Variants in FUT4 observed in about 807,000 individuals in gnomAD.
FUT4 encodes the protein fucosyltransferase 4, also known as alpha-(1,3)-fucosyltransferase 4.
FUT4 carries 1 observed loss-of-function variant against 3.8 expected under a neutral mutation model. That is an observed-to-expected ratio of 0.26 (90% CI 0.09 to 1.25). FUT4 has a LOEUF of 1.25. Among genes scored for constraint, FUT4 ranks in the 50% most tolerant of loss-of-function variants. The probability of loss-of-function intolerance (pLI) is 0.47; values close to 1 mark genes in which losing one functional copy is unlikely to be tolerated. For missense variants in FUT4, 880 were observed against 768.2 expected (o/e 1.15, Z -1.72); for synonymous variants, 417 against 355.3 (o/e 1.17, Z -1.95).
rs1326277268 is a variant in FUT4, at chr11:94,545,203, T to G, written c.1070T>G (p.Val357Gly). Residue 357 changes from valine to glycine, a missense_variant, in exon 1 of 1, where the codon GTG (valine) becomes GGG (glycine). By Grantham distance (109) the Val-to-Gly change is moderately radical. This residue lies in a region of FUT4 where 424 missense variants were observed against 400.4 expected (regional missense o/e 1.06). Transcript: ENST00000358752. ...APPLSRKQGL[V>G]AWVVSHWDER... ...CCACTGTCCAGGAAACAGGGGCTGGTGGCATGGGTGGTGAGCCACTGGGAC... is the reference window on the plus strand; with the variant it reads ...CCACTGTCCAGGAAACAGGGGCTGGGGGCATGGGTGGTGAGCCACTGGGAC... The G allele has an allele frequency of 1.9e-6, 3 of 1,610,682 alleles. No homozygotes were observed. The highest frequency in any genetic ancestry group is 3.3e-5 in the Admixed American group (2 of 59,944).
In FUT4 at chr11:94,549,321, T is replaced by A. The variant is rs1947900815; in HGVS notation, c.*3595T>A. ...TCGCTGTGATTACCATCAGTCCATT[T>A]TACCGAGGAAGGAGCCAAGGTCCAG... On this transcript the variant is annotated 3_prime_UTR_variant, in exon 1 of 1. Coordinates refer to ENST00000358752, the MANE Select transcript of FUT4 (RefSeq NM_002033.4). The A allele has an allele frequency of 6.0e-6, 1 of 167,126 alleles. No individual in the cohort carries two copies. The highest frequency in any genetic ancestry group is 6.5e-5 in the Admixed American group (1 of 15,284). 10.4% of individuals were successfully genotyped at this position (167,126 alleles called of 1,614,324 possible).
At position 94,547,117 on chromosome 11, in the gene FUT4, C is replaced by G. The variant is rs1947871299; in HGVS notation, c.*1391C>G. 1 of 167,100 alleles carries G rather than the reference C, an allele frequency of 6.0e-6. No homozygotes were observed. The highest frequency in any genetic ancestry group is 1.5e-5 in the Non-Finnish European group (1 of 68,134). 10.4% of individuals were successfully genotyped at this position (167,100 alleles called of 1,614,324 possible). On this transcript the variant is annotated 3_prime_UTR_variant, in exon 1 of 1. Coordinates refer to ENST00000358752, the MANE Select transcript of FUT4 (RefSeq NM_002033.4). ...TAAGCAGCATATTCAGCAGGTGCCA[C>G]TACATGCCTACTCTGCCAGACACTG...
chr11:94,544,111 TGAGA>T lies in FUT4; in HGVS notation c.-18_-15del. ...GCGCGCAGAGGGAAACCGGATCAGT[TGAGA>T]GAGAATCAAGAGTAGCGGATGAGGC... On this transcript the variant is annotated 5_prime_UTR_variant, in exon 1 of 1. Coordinates refer to ENST00000358752, the MANE Select transcript of FUT4 (RefSeq NM_002033.4). 7.2e-7 allele frequency: 1 copy of T among 1,379,762 alleles called. No homozygotes were observed. The highest frequency in any genetic ancestry group is 9.4e-7 in the Non-Finnish European group (1 of 1,067,794). The allele number at this position is 1,379,762 out of a possible 1,614,324, so 85.5% of individuals were successfully genotyped here.
rs1400921381 is a variant in FUT4 at position 94,545,001 on chromosome 11, C to T, written c.868C>T (p.Gln290Ter). ...GACCTCCAGCCCCAGGCCCCCGGGC[C>T]AGCGCTGGGTTTGGATGAACTTCGA... ...LATSSPRPPG[Q>*]RWVWMNFESP... is the part of the protein sequence containing the mutation. The change falls in exon 1 of 1, where the codon CAG becomes TAG. Residue 290 changes from glutamine to a stop codon, truncating the protein, a stop_gained. Coordinates refer to ENST00000358752, the MANE Select transcript of FUT4 (RefSeq NM_002033.4). LOFTEE classifies it low-confidence loss of function (END_TRUNC). 1 of 1,608,508 alleles carries T rather than the reference C, an allele frequency of 6.2e-7. No individual in the cohort carries two copies. Among genetic ancestry groups the T allele is most frequent in the East Asian group, 2.2e-5 (1 of 44,696 alleles).
rs767420823 is a variant in FUT4 at position 94,544,474 on chromosome 11, C to G, written c.341C>G (p.Ala114Gly). 5 of 1,492,564 alleles carry G rather than the reference C, an allele frequency of 3.3e-6. No homozygotes were observed. The East Asian group carries it at 1.2e-4, about 34-fold the overall frequency. The allele number at this position is 1,492,564 out of a possible 1,614,324, so 92.5% of individuals were successfully genotyped here. A position where few individuals can be genotyped will look rare whatever the true frequency, so the allele number is the denominator to read the frequency against. The change falls in exon 1 of 1, where the codon GCG becomes GGG. Residue 114 changes from alanine (A) to glycine (G), a missense_variant. Physicochemically the swap from Ala to Gly is moderately conservative, Grantham distance 60. Around this residue, in one of 3 missense-constraint regions of FUT4, gnomAD observed 447 missense variants for 339.5 expected, o/e 1.32. Coordinates refer to ENST00000358752, the MANE Select transcript of FUT4 (RefSeq NM_002033.4). ...SRCRSSTPAD[A>G]WRAEAALPVR... ...TGCCGCTCCTCCACGCCTGCGGACG[C>G]GTGGCGAGCGGAGGCAGCGCTGCCT...
chr11:94,544,645 G>A lies in FUT4; in HGVS notation c.512G>A (p.Cys171Tyr). The change falls in exon 1 of 1, where the codon TGC becomes TAC. Residue 171 changes from cysteine (C) to tyrosine (Y), a missense_variant. This residue lies in a region of FUT4 where 447 missense variants were observed against 339.5 expected (regional missense o/e 1.32). Coordinates refer to ENST00000358752, the MANE Select transcript of FUT4 (RefSeq NM_002033.4). Reference sequence around the variant, plus strand: ...TGTACGGCGCTGATCACCTACGCTTGCTGGGGGCAGCTGCCGCCGCTGCCC... The same window carrying A: ...TGTACGGCGCTGATCACCTACGCTTACTGGGGGCAGCTGCCGCCGCTGCCC... ...LTCTALITYACWGQLPPLPWA... is the reference protein window; with the variant it reads ...LTCTALITYAYWGQLPPLPWA... The A allele has an allele frequency of 6.6e-7, 1 of 1,514,298 alleles. No individual in the cohort carries two copies. Among genetic ancestry groups the A allele is most frequent in the South Asian group, 1.3e-5 (1 of 74,904 alleles). The allele number at this position is 1,514,298 out of a possible 1,614,324, so 93.8% of individuals were successfully genotyped here.
At position 94,544,308 on chromosome 11, in the gene FUT4, C is replaced by T. The variant is rs1345772560; in HGVS notation, c.175C>T (p.Leu59=). ...GWASWPAHLA[L]AARPARHLGG... ...GGCGTCCTGGCCAGCTCACCTTGCCCTGGCGGCTCGCCCCGCCCGGCACTT... is the reference window on the plus strand; with the variant it reads ...GGCGTCCTGGCCAGCTCACCTTGCCTTGGCGGCTCGCCCCGCCCGGCACTT... The change falls in exon 1 of 1, where the codon CTG becomes TTG. Residue 59 remains leucine (L), a synonymous_variant. Coordinates refer to ENST00000358752, the MANE Select transcript of FUT4 (RefSeq NM_002033.4). The T allele has an allele frequency of 3.8e-6, 6 of 1,561,266 alleles. No homozygotes were observed. Among genetic ancestry groups the T allele is most frequent in the Non-Finnish European group, 5.2e-6 (6 of 1,159,776 alleles).
chr11:94,544,975 C>T lies in FUT4; in HGVS notation c.842C>T (p.Ala281Val), dbSNP rs1303805098. The T allele has an allele frequency of 2.5e-6, 4 of 1,605,904 alleles. No individual in the cohort carries two copies. The highest frequency in any genetic ancestry group is 1.7e-5 in the Admixed American group (1 of 59,292). Residue 281 changes from alanine (A) to valine (V), a missense_variant, in exon 1 of 1, where the codon GCG (alanine) becomes GTG (valine). By Grantham distance (64) the Ala-to-Val change is moderately conservative. This residue lies in a region of FUT4 where 424 missense variants were observed against 400.4 expected (regional missense o/e 1.06). Transcript: ENST00000358752. ...GCAGCGGCGGCGGCAGAAGCCCTGG[C>T]GACCTCCAGCCCCAGGCCCCCGGGC... The part of the protein sequence containing the change: ...EEAAAAAEAL[A>V]TSSPRPPGQR...
Position 94,545,409 on chromosome 11 carries a change from C to G in FUT4, c.1276C>G (p.Leu426Val), listed in dbSNP as rs750024102. The change falls in exon 1 of 1, where the codon CTC becomes GTC. Residue 426 changes from leucine to valine, a missense_variant. Coordinates refer to ENST00000358752, the MANE Select transcript of FUT4 (RefSeq NM_002033.4). ...SQHLDYITEKLWRNALLAGAV... is the reference protein window; with the variant it reads ...SQHLDYITEKVWRNALLAGAV... ...GCACCTGGATTATATCACCGAGAAGCTCTGGCGCAACGCGTTGCTCGCTGG... is the reference window on the plus strand; with the variant it reads ...GCACCTGGATTATATCACCGAGAAGGTCTGGCGCAACGCGTTGCTCGCTGG... 1 of 1,613,188 alleles carries G rather than the reference C, an allele frequency of 6.2e-7. No homozygotes were observed. Among genetic ancestry groups the G allele is most frequent in the Non-Finnish European group, 8.5e-7 (1 of 1,179,860 alleles).
In FUT4 at chr11:94,544,952, A is replaced by AGCG. The variant is rs761481188; in HGVS notation, c.828_830dup (p.Ala277dup). 4.1e-5 allele frequency: 66 copies of AGCG among 1,605,690 alleles called. No individual in the cohort carries two copies. The East Asian group carries it at 1.2e-3, about 30-fold the overall frequency. On this transcript the variant is annotated inframe_insertion, in exon 1 of 1. Transcript: ENST00000358752. The stretch of plus-strand genomic sequence containing the variant: ...TGCGCGTGTTGGACTACGAGGAGGC[A>AGCG]GCGGCGGCGGCAGAAGCCCTGGCGA...
At position 94,544,537 on chromosome 11, in the gene FUT4, C is replaced by T; in HGVS notation, c.404C>T (p.Ala135Val). ...GGGGCACCGTGGGGCTCGCCGACGG[C>T]GGCGGCGGGCGGGCGGCGCGGGTGG... ...AMGAPWGSPTAAAGGRRGWRR... is the reference protein window; with the variant it reads ...AMGAPWGSPTVAAGGRRGWRR... The change falls in exon 1 of 1, where the codon GCG (alanine) becomes GTG (valine). Residue 135 changes from alanine (A) to valine (V), a missense_variant. Transcript: ENST00000358752. The T allele has an allele frequency of 7.8e-7, 1 of 1,289,284 alleles. No homozygotes were observed. The highest frequency in any genetic ancestry group is 9.7e-7 in the Non-Finnish European group (1 of 1,026,160). The allele number at this position is 1,289,284 out of a possible 1,614,324, so 79.9% of individuals were successfully genotyped here.
rs1221494042 is a variant in FUT4, at chr11:94,546,356, C to T, written c.*630C>T. On this transcript the variant is annotated 3_prime_UTR_variant, in exon 1 of 1. Transcript: ENST00000358752. ...AATGGAAGCAAAGTGCTGGATTGTCCTTGGAGGAAACTTAAGATGAATACA... is the reference window on the plus strand; with the variant it reads ...AATGGAAGCAAAGTGCTGGATTGTCTTTGGAGGAAACTTAAGATGAATACA... The T allele has an allele frequency of 5.3e-6, 1 of 189,164 alleles. No individual in the cohort carries two copies. Among genetic ancestry groups the T allele is most frequent in the Non-Finnish European group, 1.2e-5 (1 of 80,098 alleles). 11.7% of individuals were successfully genotyped at this position (189,164 alleles called of 1,614,324 possible).
At position 94,545,611 on chromosome 11, in the gene FUT4, C is replaced by T; in HGVS notation, c.1478C>T (p.Ala493Val). The change falls in exon 1 of 1, where the codon GCT (alanine) becomes GTT (valine). Residue 493 changes from alanine (A) to valine (V), a missense_variant. By Grantham distance (64) the Ala-to-Val change is moderately conservative. This residue lies in a region of FUT4 where 424 missense variants were observed against 400.4 expected (regional missense o/e 1.06). Transcript: ENST00000358752. The stretch of plus-strand genomic sequence containing the variant: ...TACTTCCACTGGCGCCGGAGCTACG[C>T]TGTCCACATCACCTCCTTCTGGGAC... Reference protein sequence around the residue: ...RRYFHWRRSYAVHITSFWDEP... With the variant: ...RRYFHWRRSYVVHITSFWDEP... The T allele has an allele frequency of 6.2e-7, 1 of 1,613,378 alleles. No individual in the cohort carries two copies. Among genetic ancestry groups the T allele is most frequent in the Non-Finnish European group, 8.5e-7 (1 of 1,180,028 alleles).
rs779521687 is a variant in FUT4 at position 94,545,504 on chromosome 11, C to G, written c.1371C>G (p.Ile457Met). 1 of 1,613,854 alleles carries G rather than the reference C, an allele frequency of 6.2e-7. No homozygotes were observed. The highest frequency in any genetic ancestry group is 1.7e-5 in the Admixed American group (1 of 60,038). Residue 457 changes from isoleucine (I) to methionine (M), a missense_variant, in exon 1 of 1, where the codon ATC (isoleucine) becomes ATG (methionine). This residue lies in a region of FUT4 where 424 missense variants were observed against 400.4 expected (regional missense o/e 1.06). Transcript: ENST00000358752. Reference sequence around the variant, plus strand: ...GCTTTGTGCCCCGCGGCGCCTTCATCCACGTGGACGACTTCCCAAGTGCCT... The same window carrying G: ...GCTTTGTGCCCCGCGGCGCCTTCATGCACGTGGACGACTTCCCAAGTGCCT... Reference protein sequence around the residue: ...YERFVPRGAFIHVDDFPSASS... With the variant: ...YERFVPRGAFMHVDDFPSASS...
rs1947886473 is a variant in FUT4 at position 94,548,250 on chromosome 11, T to TA, written c.*2524_*2525insA. The TA allele has an allele frequency of 6.2e-6, 1 of 161,340 alleles. No individual in the cohort carries two copies. Among genetic ancestry groups the TA allele is most frequent in the Non-Finnish European group, 1.5e-5 (1 of 67,856 alleles). 10.0% of individuals were successfully genotyped at this position (161,340 alleles called of 1,614,324 possible). A position where few individuals can be genotyped will look rare whatever the true frequency, so the allele number is the denominator to read the frequency against. ...AGCATGAGGAAGGTATAATTGCATT[T>TA]TTTTTTTTTTGAGACGGAGTCTTGC... On this transcript the variant is annotated 3_prime_UTR_variant, in exon 1 of 1. Transcript: ENST00000358752.
chr11:94,544,674 G>A lies in FUT4; in HGVS notation c.541G>A (p.Ala181Thr). Residue 181 changes from alanine (A) to threonine (T), a missense_variant, in exon 1 of 1, where the codon GCG (alanine) becomes ACG (threonine). This residue lies in a region of FUT4 where 447 missense variants were observed against 339.5 expected (regional missense o/e 1.32). Coordinates refer to ENST00000358752, the MANE Select transcript of FUT4 (RefSeq NM_002033.4). ...CWGQLPPLPW[A>T]SPTPSRPVGV... Reference sequence around the variant, plus strand: ...GGGGCAGCTGCCGCCGCTGCCCTGGGCGTCGCCAACCCCGTCGCGACCGGT... The same window carrying A: ...GGGGCAGCTGCCGCCGCTGCCCTGGACGTCGCCAACCCCGTCGCGACCGGT... 2 of 1,536,466 alleles carry A rather than the reference G, an allele frequency of 1.3e-6. No homozygotes were observed. The highest frequency in any genetic ancestry group is 1.2e-5 in the South Asian group (1 of 80,062).
rs542636736 is a variant in FUT4 at position 94,546,290 on chromosome 11, C to G, written c.*564C>G. 1.1e-4 allele frequency: 27 copies of G among 235,320 alleles called. No individual in the cohort carries two copies. Among genetic ancestry groups the G allele is most frequent in the African/African-American group, 5.7e-4 (25 of 43,930 alleles). The allele number at this position is 235,320 out of a possible 1,614,324, so 14.6% of individuals were successfully genotyped here. A position where few individuals can be genotyped will look rare whatever the true frequency, so the allele number is the denominator to read the frequency against. ...GAGGAGGGCAGTCCAAGAGGGGCCG[C>G]TGACTTCTTTCACAAGTACTATCTG... On this transcript the variant is annotated 3_prime_UTR_variant, in exon 1 of 1. Coordinates refer to ENST00000358752, the MANE Select transcript of FUT4 (RefSeq NM_002033.4).
Position 94,549,078 on chromosome 11 carries a change from AT to A in FUT4, c.*3353del, listed in dbSNP as rs1460860793. 8.4e-5 allele frequency: 14 copies of A among 167,062 alleles called. No individual in the cohort carries two copies. The highest frequency in any genetic ancestry group is 3.3e-4 in the Admixed American group (5 of 15,286). The allele number at this position is 167,062 out of a possible 1,614,324, so 10.3% of individuals were successfully genotyped here. On this transcript the variant is annotated 3_prime_UTR_variant, in exon 1 of 1. Coordinates refer to ENST00000358752, the MANE Select transcript of FUT4 (RefSeq NM_002033.4). The stretch of plus-strand genomic sequence containing the variant: ...CCCTACAAAACAAAGATTAAATGTG[AT>A]GATGTATGCCAAGGTGCTTTGTATA...
In FUT4 at chr11:94,546,031, CAAGAAGCCG is replaced by C; in HGVS notation, c.*306_*314del. ...GTGCAGAAATGAAATAGCTTAGCGG[CAAGAAGCCG>C]TTGAGGCGGTTTCCTGAATTTCCCC... On this transcript the variant is annotated 3_prime_UTR_variant, in exon 1 of 1. Transcript: ENST00000358752. 2.1e-6 allele frequency: 1 copy of C among 474,900 alleles called. No individual in the cohort carries two copies. The highest frequency in any genetic ancestry group is 3.2e-5 in the Admixed American group (1 of 31,142). The allele number at this position is 474,900 out of a possible 1,614,324, so 29.4% of individuals were successfully genotyped here. A position where few individuals can be genotyped will look rare whatever the true frequency, so the allele number is the denominator to read the frequency against.
Sources: allele counts gnomAD v4.1 joint callset, GRCh38; gene constraint gnomAD v4.1.1; regional missense constraint gnomAD v4.1.1; transcripts MANE v1.5; gene names NCBI Gene and HGNC (gene_info 2026-07-23, HGNC 2026-07-21).